Variants in TSC22D1 observed in about 807,000 individuals in gnomAD.
TSC22D1 encodes the protein TSC22 domain family protein 1.
In TSC22D1, 9 loss-of-function variants were observed where a neutral mutation model predicts 74.2. The ratio of observed to expected loss-of-function variants is 0.12; its 90% CI spans 0.07 to 0.21. The LOEUF (loss-of-function observed/expected upper bound fraction) is 0.21. Ranked by LOEUF, TSC22D1 falls within the 10% of genes least tolerant of loss-of-function variation. TSC22D1 has a pLI of 1.00. For synonymous variants in TSC22D1, 586 were observed against 492.5 expected, an observed-to-expected ratio of 1.19 and a Z score of -2.51; for missense variants, 1,427 against 1,304.7, an observed-to-expected ratio of 1.09 and a Z score of -1.44.
Position 44,575,891 on chromosome 13 carries a change from A to G in TSC22D1, c.184T>C (p.Ser62Pro), listed in dbSNP as rs767476950. The change falls in exon 1 of 3, where the codon TCG becomes CCG. Residue 62 changes from serine to proline, a missense_variant. Around this residue, in one of 3 missense-constraint regions of TSC22D1, gnomAD observed 1,343 missense variants for 1,191.5 expected, o/e 1.13. Transcript: ENST00000458659. Reference protein sequence around the residue: ...ATSSEDFPPPSLLQPPPPAAS... With the variant: ...ATSSEDFPPPPLLQPPPPAAS... ...GCAGGGGGCGGCGGCTGAAGCAGCG[A>G]CGGAGGCGGAAAATCCTCGGAAGAT... is the stretch of plus-strand genomic sequence containing the variant. 1 of 1,613,998 alleles carries G rather than the reference A, an allele frequency of 6.2e-7. No individual in the cohort carries two copies. The highest frequency in any genetic ancestry group is 1.1e-5 in the South Asian group (1 of 91,076).
intron 1 of TSC22D1, among the ~76,000 whole-genome samples, chr13:44,514,543 A>T (rs1879881283): frequency 6.6e-6 from 1 of 152,046 alleles, no homozygotes; most frequent in Non-Finnish European, 1.5e-5. Context: ...AACTGACAGT[A>T]TACGGAAACA....
At chr13:44,572,012 GA>G (rs2138246196) in intron 1 of TSC22D1, among the ~76,000 whole-genome samples, 1 of 151,968 alleles carries the variant, frequency 6.6e-6, no homozygotes, top group East Asian at 1.9e-4. Flanking sequence ...CATACATATA[GA>G]ATATAAATGC....
At chr13:44,557,487 C>T (rs938755110) in intron 1 of TSC22D1, among the ~76,000 whole-genome samples, 1 of 152,142 alleles carries the variant, frequency 6.6e-6, no homozygotes, top group African/African-American at 2.4e-5. Context: ...AAAGTTAATT[C>T]TACCTTCTAG....
At position 44,575,928 on chromosome 13, in the gene TSC22D1, A is replaced by G; in HGVS notation, c.147T>C (p.Gly49=). Residue 49 remains glycine (G), a synonymous_variant, in exon 1 of 3, where the codon GGT becomes GGC. Coordinates refer to ENST00000458659, the MANE Select transcript of TSC22D1 (RefSeq NM_183422.4). The part of the protein sequence containing the change: ...SALNAAGTGV[G]SNATSSEDFP... ...AATCCTCGGAAGATGTGGCATTACT[A>G]CCGACGCCGGTACCTGCTGCATTGA... 1.2e-6 allele frequency: 2 copies of G among 1,613,134 alleles called. No homozygotes were observed. The highest frequency in any genetic ancestry group is 2.2e-5 in the South Asian group (2 of 90,998).
chr13:44,460,277 T>C (rs1224327256), intron 1 of TSC22D1, among the ~76,000 whole-genome samples: 1 of 152,102 alleles, frequency 6.6e-6, no homozygotes, highest in African/African-American at 2.4e-5. Context: ...AAGTAGAGAG[T>C]TGCTTGAGAA....
chr13:44,465,095 C>T (rs751965165), intron 1 of TSC22D1, among the ~76,000 whole-genome samples: 16 of 152,184 alleles, frequency 1.1e-4, no homozygotes, highest in Non-Finnish European at 1.8e-4. Flanking sequence ...ACACATAATG[C>T]TGCAGAATGA....
intron 1 of TSC22D1, among the ~76,000 whole-genome samples, chr13:44,483,369 CA>C (rs1374502338): frequency 2.6e-5 from 4 of 152,048 alleles, no homozygotes; most frequent in African/African-American, 9.7e-5. Flanking sequence ...GCTACTTTAA[CA>C]AGAATTATGG....
chr13:44,459,637 C>A (rs1876884660), intron 1 of TSC22D1, among the ~76,000 whole-genome samples: 1 of 152,156 alleles, frequency 6.6e-6, no homozygotes, highest in African/African-American at 2.4e-5. Context: ...TTCAGGAAGC[C>A]CAGACCTAGG....
intron 1 of TSC22D1, among the ~76,000 whole-genome samples, chr13:44,545,972 G>A (rs1168448260): frequency 2.0e-5 from 3 of 149,278 alleles, no homozygotes; most frequent in African/African-American, 5.0e-5. Flanking sequence ...GCGAGACTCC[G>A]TCTCAAAAAA....
intron 1 of TSC22D1, among the ~76,000 whole-genome samples, chr13:44,558,868 A>T (rs895494185): frequency 1.3e-5 from 2 of 152,202 alleles, no homozygotes; most frequent in Non-Finnish European, 2.9e-5. Flanking sequence ...GAAACCGCTA[A>T]GTTATCTAGG....
At chr13:44,436,124 G>C (rs9634789) in intron 1 of TSC22D1, 29 bp from the exon 2 acceptor site, 2 of 1,605,014 alleles carry the variant, frequency 1.2e-6, no homozygotes, top group African/African-American at 1.3e-5. Context: ...AAAGGTCATC[G>C]ATAAATGGAA....
At chr13:44,454,713 TTAAA>T (rs1388079234) in intron 1 of TSC22D1, among the ~76,000 whole-genome samples, 2 of 152,176 alleles carry the variant, frequency 1.3e-5, no homozygotes, top group Non-Finnish European at 2.9e-5. Flanking sequence ...ATTTAATCCT[TTAAA>T]TAACCACCTC....
chr13:44,477,934 C>A (rs1028198555), intron 1 of TSC22D1, among the ~76,000 whole-genome samples: 1 of 152,116 alleles, frequency 6.6e-6, no homozygotes, highest in Non-Finnish European at 1.5e-5. Context: ...AGCCACTGCG[C>A]CCAGCCTGCT....
chr13:44,444,176 G>A (rs1595080986), intron 1 of TSC22D1, among the ~76,000 whole-genome samples: 1 of 150,106 alleles, frequency 6.7e-6, no homozygotes, highest in African/African-American at 2.4e-5. Flanking sequence ...CTACTTGGGA[G>A]GCTGAGGCAG....
In TSC22D1 at chr13:44,576,292, C is replaced by A; in HGVS notation, c.-218G>T. On this transcript the variant is annotated 5_prime_UTR_variant, in exon 1 of 3. Transcript: ENST00000458659. ...GAGGGTGAACAGGGCGGCCGGGGACCCGAAGGGGGGATCCCTTCAGTCCTT... is the reference window on the plus strand; with the variant it reads ...GAGGGTGAACAGGGCGGCCGGGGACACGAAGGGGGGATCCCTTCAGTCCTT... The A allele has an allele frequency of 1.6e-6, 1 of 609,146 alleles. No individual in the cohort carries two copies. Among genetic ancestry groups the A allele is most frequent in the East Asian group, 2.9e-5 (1 of 34,440 alleles). The allele number at this position is 609,146 out of a possible 1,614,324, so 37.7% of individuals were successfully genotyped here. A position where few individuals can be genotyped will look rare whatever the true frequency, so the allele number is the denominator to read the frequency against.
In TSC22D1 at chr13:44,538,123, T is replaced by G. The variant is rs893447693; in HGVS notation, c.2912+35040A>C. The G allele has an allele frequency of 7.1e-6, 7 of 985,234 alleles. No individual in the cohort carries two copies. In the African/African-American group the frequency reaches 1.2e-4, roughly 17 times the overall value. 61.0% of individuals were successfully genotyped at this position (985,234 alleles called of 1,614,324 possible). On this transcript the variant is annotated intron_variant, in intron 1 of 2. Transcript: ENST00000458659. ...CCTACAGGCTTATTCTAATACTAAG[T>G]GCTTCTGCTCTGTAAACTACTGTTT...
In TSC22D1 at chr13:44,434,228, A is replaced by G; in HGVS notation, c.*398T>C. On this transcript the variant is annotated 3_prime_UTR_variant, in exon 3 of 3. Transcript: ENST00000458659. ...GGAGAGGAGAGAGGCGAGTCCAGTG[A>G]GGAGCTCCATCGCTTCACAACCCCA... 2 of 1,425,434 alleles carry G rather than the reference A, an allele frequency of 1.4e-6. No individual in the cohort carries two copies. The highest frequency in any genetic ancestry group is 1.8e-6 in the Non-Finnish European group (2 of 1,103,900). The allele number at this position is 1,425,434 out of a possible 1,614,324, so 88.3% of individuals were successfully genotyped here. A position where few individuals can be genotyped will look rare whatever the true frequency, so the allele number is the denominator to read the frequency against.
At chr13:44,563,093 A>C (rs1355092068) in intron 1 of TSC22D1, among the ~76,000 whole-genome samples, 1 of 152,044 alleles carries the variant, frequency 6.6e-6, no homozygotes, top group Non-Finnish European at 1.5e-5. Flanking sequence ...AACGAGAACA[A>C]AACTCCATCT....
intron 1 of TSC22D1, among the ~76,000 whole-genome samples, chr13:44,455,720 A>G (rs182591728): frequency 6.6e-6 from 1 of 152,306 alleles, no homozygotes; most frequent in Admixed American, 6.5e-5. Context: ...AATTAATCGC[A>G]TAGGGAATCT....
Sources: gnomAD v4.1 joint callset for allele counts (sites outside exome capture counted in the v4.1 genomes callset) on GRCh38, gnomAD v4.1.1 for gene constraint, gnomAD v4.1.1 regional missense constraint, MANE v1.5 for transcripts, NCBI Gene and HGNC (gene_info 2026-07-23, HGNC 2026-07-21) for gene names.